The following OPCML variants were observed in gnomAD, a reference collection of about 807,000 sequenced individuals.
OPCML encodes the protein opioid-binding protein/cell adhesion molecule.
A neutral mutation model predicts 37.8 loss-of-function variants in OPCML; 13 were observed. The observed-to-expected ratio is 0.34, with a 90% CI of 0.22 to 0.55. The LOEUF is 0.55. Among genes scored for constraint, OPCML ranks in the 20% least tolerant of loss-of-function variants. OPCML has a pLI of 0.91. For synonymous variants in OPCML, 176 were observed against 168.8 expected, an observed-to-expected ratio of 1.04 and a Z score of -0.33; for missense variants, 341 against 435.6, an observed-to-expected ratio of 0.78 and a Z score of 1.93.
intron 4 of OPCML, among the ~76,000 whole-genome samples, chr11:132,487,304 T>C (rs1019453148): frequency 6.6e-6 from 1 of 152,234 alleles, no homozygotes; most frequent in African/African-American, 2.4e-5. Flanking sequence ...TTTAGGAATT[T>C]CCAACATGTC....
At chr11:132,629,951 T>C (rs1463393756) in intron 3 of OPCML, among the ~76,000 whole-genome samples, 1 of 152,200 alleles carries the variant, frequency 6.6e-6, no homozygotes, top group Non-Finnish European at 1.5e-5. Context: ...AATAATCTAA[T>C]CCACTTAGTA....
chr11:133,002,857 C>T (rs1947034463), intron 1 of OPCML, among the ~76,000 whole-genome samples: 1 of 152,128 alleles, frequency 6.6e-6, no homozygotes, highest in Non-Finnish European at 1.5e-5. Flanking sequence ...TTTTACTCAA[C>T]TTTGCACAAT....
intron 1 of OPCML, among the ~76,000 whole-genome samples, chr11:133,246,384 C>A (rs1056782919): frequency 9.2e-5 from 14 of 152,138 alleles, no homozygotes; most frequent in African/African-American, 3.4e-4. Flanking sequence ...TATGGAAAAG[C>A]AAAGGAGAGC....
intron 1 of OPCML, chr11:133,439,429 CA>C (rs1216031865): frequency 2.0e-6 from 2 of 984,788 alleles, no homozygotes; most frequent in Non-Finnish European, 2.4e-6. Context: ...CTTATGAGGC[CA>C]ACCTAACTCT....
chr11:133,196,870 C>T (rs1289241720), intron 1 of OPCML, among the ~76,000 whole-genome samples: 1 of 152,200 alleles, frequency 6.6e-6, no homozygotes, highest in South Asian at 2.1e-4. Context: ...GTTCCTGTAA[C>T]TGCAGTGACC....
intron 3 of OPCML, among the ~76,000 whole-genome samples, chr11:132,555,684 C>A (rs895092598): frequency 9.2e-5 from 14 of 152,072 alleles, no homozygotes; most frequent in African/African-American, 3.4e-4. Flanking sequence ...AATGAAGGCG[C>A]GTAGACTTCT....
intron 3 of OPCML, among the ~76,000 whole-genome samples, chr11:132,539,526 TGC>T (rs2096350207): frequency 1.3e-5 from 2 of 149,940 alleles, no homozygotes; most frequent in African/African-American, 4.8e-5. Context: ...CTGCTGCTGC[TGC>T]TGCTGATGAT....
chr11:132,512,786 A>G (rs116381728), intron 4 of OPCML, among the ~76,000 whole-genome samples: 300 of 151,958 alleles, frequency 2.0e-3, no homozygotes, highest in African/African-American at 7.0e-3. Flanking sequence ...AAAAAAGTCT[A>G]ATATATAACA....
chr11:132,730,074 C>T (rs777638866), intron 2 of OPCML, among the ~76,000 whole-genome samples: 1 of 130,124 alleles, frequency 7.7e-6, no homozygotes. Flanking sequence ...AGTACAGTGG[C>T]ACGATCTCAG....
In OPCML at chr11:133,407,093, C is replaced by G. The variant is rs1042586577; in HGVS notation, c.61+125171G>C. The stretch of plus-strand genomic sequence containing the variant: ...CTGCTAAGCAGTATATTTCTCCCCT[C>G]TAGGTCTGAGGTTAAACCCATCCAC... On this transcript the variant is annotated intron_variant, in intron 1 of 7. Coordinates refer to ENST00000524381, the MANE Select transcript of OPCML (RefSeq NM_001012393.5). 3.9e-5 allele frequency among the ~76,000 whole-genome samples: 6 copies of G among 152,298 alleles called. No individual in the cohort carries two copies. In the East Asian group the frequency reaches 7.7e-4, roughly 20 times the overall value.
chr11:132,629,784 A>T (rs1939980736), intron 3 of OPCML, among the ~76,000 whole-genome samples: 1 of 152,196 alleles, frequency 6.6e-6, no homozygotes, highest in African/African-American at 2.4e-5. Context: ...AAAACATATT[A>T]ACTAGAAACA....
chr11:133,458,016 T>G (rs1029572392), intron 1 of OPCML, among the ~76,000 whole-genome samples: 10 of 151,864 alleles, frequency 6.6e-5, no homozygotes, highest in Non-Finnish European at 1.2e-4. Flanking sequence ...CATGGTGACA[T>G]GCACCTGCAA....
rs966091785 is a variant in OPCML, at chr11:133,373,448, T to TATATATATAC, written c.61+158815_61+158816insGTATATATAT. ...AAATATATATATATATATATATATA[T>TATATATATAC]ACACACACACACACAAAAATACAAA... On this transcript the variant is annotated intron_variant, in intron 1 of 7. Transcript: ENST00000524381. Among the ~76,000 whole-genome samples, 350 of 132,154 alleles carry TATATATATAC rather than the reference T, an allele frequency of 2.6e-3. 1 individual carries two copies. The highest frequency in any genetic ancestry group is 3.8e-3 in the Non-Finnish European group (244 of 64,130). The allele number at this position is 132,154 out of a possible 152,430, so 86.7% of individuals were successfully genotyped here.
intron 3 of OPCML, among the ~76,000 whole-genome samples, chr11:132,634,228 G>A (rs148664770): frequency 2.2e-4 from 33 of 152,260 alleles, no homozygotes; most frequent in African/African-American, 6.7e-4. Context: ...TATGGTATTC[G>A]AGCTTCTTTA....
chr11:133,262,841 G>A (rs967813128), intron 1 of OPCML, among the ~76,000 whole-genome samples: 3 of 151,562 alleles, frequency 2.0e-5, no homozygotes, highest in Non-Finnish European at 2.9e-5. Context: ...TTGGCCCCTA[G>A]GAGATTCCAG....
At chr11:133,234,312 G>T (rs976445917) in intron 1 of OPCML, among the ~76,000 whole-genome samples, 3 of 151,894 alleles carry the variant, frequency 2.0e-5, no homozygotes, top group Non-Finnish European at 2.9e-5. Context: ...CCAAACCTCT[G>T]GTCTCTGGAA....
chr11:132,918,533 A>G (rs576514847), intron 2 of OPCML, among the ~76,000 whole-genome samples: 1 of 152,340 alleles, frequency 6.6e-6, no homozygotes, highest in South Asian at 2.1e-4. Context: ...TTTTAAAAGT[A>G]AAAATGAGTG....
chr11:133,477,806 A>G (rs1380034321), intron 1 of OPCML, among the ~76,000 whole-genome samples: 2 of 152,200 alleles, frequency 1.3e-5, no homozygotes, highest in Non-Finnish European at 2.9e-5. Context: ...CAAACTATGT[A>G]CAATTTGCCC....
chr11:132,775,945 T>G (rs1241254396), intron 2 of OPCML, among the ~76,000 whole-genome samples: 1 of 152,212 alleles, frequency 6.6e-6, no homozygotes, highest in East Asian at 1.9e-4. Context: ...TTCTGTTTCT[T>G]TTTTTAGACA....
Sources: allele counts gnomAD v4.1 joint callset (sites outside exome capture counted in the v4.1 genomes callset), GRCh38; gene constraint gnomAD v4.1.1; transcripts MANE v1.5; gene names NCBI Gene and HGNC (gene_info 2026-07-23, HGNC 2026-07-21).